The following TMEM156 variants were observed in gnomAD, a reference collection of about 807,000 sequenced individuals.
TMEM156 encodes the protein transmembrane protein 156.
TMEM156 carries 28 observed loss-of-function variants against 30.5 expected under a neutral mutation model. That is an observed-to-expected ratio of 0.92 (90% CI 0.68 to 1.26). TMEM156 has a LOEUF of 1.26. Among genes scored for constraint, TMEM156 ranks in the 50% most tolerant of loss-of-function variants. TMEM156 has a pLI of 0.00. For missense variants in TMEM156, 351 were observed against 340.6 expected, an observed-to-expected ratio of 1.03 and a Z score of -0.24; for synonymous variants, 137 against 119.9, an observed-to-expected ratio of 1.14 and a Z score of -0.93.
intron 5 of TMEM156, among the ~76,000 whole-genome samples, chr4:38,974,434 T>A (rs1465070002): frequency 6.6e-6 from 1 of 152,078 alleles, no homozygotes; most frequent in African/African-American, 2.4e-5. Flanking sequence ...ATTTCAAAAA[T>A]AGAATTAGGA....
chr4:38,998,543 C>CAAAAA (rs199767864), intron 2 of TMEM156, 97 bp downstream of exon 2: 423 of 952,722 alleles, frequency 4.4e-4, no homozygotes, highest in East Asian at 8.5e-4. Flanking sequence ...GACTCCATCT[C>CAAAAA]AAAAAAAAAA....
At position 38,988,978 on chromosome 4, in the gene TMEM156, G is replaced by A; in HGVS notation, c.620-8C>T. 6.2e-7 allele frequency: 1 copy of A among 1,607,304 alleles called. No individual in the cohort carries two copies. Among genetic ancestry groups the A allele is most frequent in the Non-Finnish European group, 8.5e-7 (1 of 1,176,466 alleles). ...TCATGGAACAAGTGATATCTGTAAA[G>A]AAAACAAATACTGTAAAAACCCAGT... On this transcript the variant is annotated splice_polypyrimidine_tract_variant and splice_region_variant and intron_variant, in intron 3 of 6. Coordinates refer to ENST00000381938, the MANE Select transcript of TMEM156 (RefSeq NM_024943.3).
At chr4:38,983,606 C>A (rs1199570321) in intron 5 of TMEM156, among the ~76,000 whole-genome samples, 1 of 152,120 alleles carries the variant, frequency 6.6e-6, no homozygotes, top group Non-Finnish European at 1.5e-5. Context: ...CACTATATTG[C>A]CCAGGCTGGT....
At position 38,986,512 on chromosome 4, in the gene TMEM156, A is replaced by G. The variant is rs75837227; in HGVS notation, c.740-93T>C. On this transcript the variant is annotated intron_variant, in intron 4 of 6. Coordinates refer to ENST00000381938, the MANE Select transcript of TMEM156 (RefSeq NM_024943.3). ...GTTGGTTCAAAGGATTACCAAAAAG[A>G]ATGGAGCCATTCATGGCCAGGCACG... is the stretch of plus-strand genomic sequence containing the variant. The G allele has an allele frequency of 5.3e-3, 5,111 of 972,368 alleles. 190 individuals are homozygous for G. The African/African-American group carries it at 0.074, about 14-fold the overall frequency. 60.2% of individuals were successfully genotyped at this position (972,368 alleles called of 1,614,324 possible). A position where few individuals can be genotyped will look rare whatever the true frequency, so the allele number is the denominator to read the frequency against.
intron 5 of TMEM156, among the ~76,000 whole-genome samples, chr4:38,983,868 C>T (rs1711761841): frequency 1.3e-5 from 2 of 152,192 alleles, no homozygotes; most frequent in South Asian, 2.1e-4. Flanking sequence ...TCATATTTCC[C>T]AATCCCTCAG....
intron 6 of TMEM156, among the ~76,000 whole-genome samples, chr4:38,970,487 T>TAC (rs890765352): frequency 3.3e-5 from 5 of 152,172 alleles, no homozygotes; most frequent in African/African-American, 1.2e-4. Flanking sequence ...TTCCCTGTTA[T>TAC]AATTTTTATA....
intron 5 of TMEM156, 53 bp from the exon 6 acceptor site, chr4:38,971,190 G>T (rs1371112745): frequency 7.9e-6 from 12 of 1,527,920 alleles, no homozygotes; most frequent in Admixed American, 1.7e-5. Flanking sequence ...AGCAAAAAGA[G>T]ACAGGCTTAT....
At chr4:39,015,780 T>C (rs1714440175) in intron 1 of TMEM156, among the ~76,000 whole-genome samples, 1 of 152,142 alleles carries the variant, frequency 6.6e-6, no homozygotes, top group Admixed American at 6.6e-5. Flanking sequence ...TGGGAGATAA[T>C]TGAATCACGG....
chr4:38,996,795 C>A (rs1712966662), intron 2 of TMEM156, among the ~76,000 whole-genome samples: 1 of 152,174 alleles, frequency 6.6e-6, no homozygotes, highest in African/African-American at 2.4e-5. Context: ...ACACAATCTG[C>A]ATTCTCTTGT....
chr4:38,978,112 A>C (rs1169699015), intron 5 of TMEM156, among the ~76,000 whole-genome samples: 1 of 152,178 alleles, frequency 6.6e-6, no homozygotes, highest in East Asian at 1.9e-4. Flanking sequence ...ATCTCCCACC[A>C]TGAAAGCTCA....
At chr4:38,977,477 C>T (rs938283347) in intron 5 of TMEM156, among the ~76,000 whole-genome samples, 1 of 152,104 alleles carries the variant, frequency 6.6e-6, no homozygotes, top group African/African-American at 2.4e-5. Flanking sequence ...ATGGTAATAG[C>T]AAATCTTCTA....
chr4:39,010,959 C>G (rs1002813407), intron 1 of TMEM156, among the ~76,000 whole-genome samples: 4 of 152,032 alleles, frequency 2.6e-5, no homozygotes, highest in African/African-American at 9.7e-5. Flanking sequence ...AATAAACTAT[C>G]AACAGAGTAA....
intron 1 of TMEM156, among the ~76,000 whole-genome samples, chr4:39,015,407 G>A (rs1197935216): frequency 1.3e-5 from 2 of 152,188 alleles, no homozygotes; most frequent in Non-Finnish European, 2.9e-5. Flanking sequence ...CAATGTCAGA[G>A]TGATACAATA....
chr4:38,999,605 C>A (rs1022078879), intron 1 of TMEM156, among the ~76,000 whole-genome samples: 3 of 152,156 alleles, frequency 2.0e-5, no homozygotes, highest in Non-Finnish European at 2.9e-5. Context: ...TAATTTAAAA[C>A]AAGAAAAATT....
At chr4:38,967,746 A>T (rs926933056) in intron 6 of TMEM156, 105 bp from the exon 7 acceptor site, 3 of 152,262 alleles carry the variant, frequency 2.0e-5, no homozygotes, top group Non-Finnish European at 4.4e-5. Context: ...CGTTTGTTAA[A>T]ACTATGGCTT....
intron 1 of TMEM156, among the ~76,000 whole-genome samples, chr4:39,007,344 T>G (rs939312550): frequency 6.6e-6 from 1 of 152,218 alleles, no homozygotes; most frequent in Non-Finnish European, 1.5e-5. Flanking sequence ...ACTTTTGACT[T>G]GATTCTAGAA....
At chr4:39,011,263 G>A (rs898736118) in intron 1 of TMEM156, among the ~76,000 whole-genome samples, 4 of 152,130 alleles carry the variant, frequency 2.6e-5, no homozygotes, top group African/African-American at 7.2e-5. Flanking sequence ...ACATTCACAA[G>A]GTTGCAAAGA....
intron 5 of TMEM156, among the ~76,000 whole-genome samples, chr4:38,978,067 T>TG (rs1469741221): frequency 3.3e-5 from 5 of 152,232 alleles, no homozygotes; most frequent in African/African-American, 1.2e-4. Flanking sequence ...TTCGTTACTT[T>TG]GGTCCTGATG....
intron 1 of TMEM156, among the ~76,000 whole-genome samples, chr4:39,010,369 T>A (rs1392427071): frequency 6.6e-6 from 1 of 152,130 alleles, no homozygotes; most frequent in East Asian, 1.9e-4. Flanking sequence ...ATTACCAATG[T>A]CACTTTTCAG....
Sources: gnomAD v4.1 joint callset for allele counts (sites outside exome capture counted in the v4.1 genomes callset) on GRCh38, gnomAD v4.1.1 for gene constraint, MANE v1.5 for transcripts, NCBI Gene and HGNC (gene_info 2026-07-23, HGNC 2026-07-21) for gene names.